Variants in NTF3 observed in about 807,000 individuals in gnomAD.
NTF3 encodes neurotrophin-3.
A neutral mutation model predicts 26.3 loss-of-function variants in NTF3; 8 were observed. The observed-to-expected ratio is 0.30, with a 90% CI of 0.18 to 0.55. The LOEUF (loss-of-function observed/expected upper bound fraction) is 0.55, where lower values mean the gene tolerates loss of function less well. Among genes scored for constraint, NTF3 ranks in the 20% least tolerant of loss-of-function variants. NTF3 has a pLI of 0.93. For missense variants in NTF3, 276 were observed against 352.9 expected (o/e 0.78, Z 1.75); for synonymous variants, 154 against 145.5 (o/e 1.06, Z -0.42).
At position 5,433,354 on chromosome 12, in the gene NTF3, G is replaced by A. The variant is rs185996986; in HGVS notation, c.18+1012G>A. 6.6e-6 allele frequency: 1 copy of A among 152,582 alleles called. No individual in the cohort carries two copies. The highest frequency in any genetic ancestry group is 1.5e-5 in the Non-Finnish European group (1 of 68,236). The allele number at this position is 152,582 out of a possible 1,614,324, so 9.5% of individuals were successfully genotyped here. A position where few individuals can be genotyped will look rare whatever the true frequency, so the allele number is the denominator to read the frequency against. ...CCAGGTCGGAGTTTAAAGGTCCCAC[G>A]ACGGACCGAACTGTCCCATTGCCCC... On this transcript the variant is annotated intron_variant, in intron 1 of 1. Coordinates refer to ENST00000423158, the MANE Select transcript of NTF3 (RefSeq NM_001102654.2). The surrounding 1 kb of genome is among the most constrained non-coding windows in gnomAD (Gnocchi z 4.6).
At chr12:5,478,832 G>T (rs1194919636) in intron 1 of NTF3, among the ~76,000 whole-genome samples, 1 of 152,184 alleles carries the variant, frequency 6.6e-6, no homozygotes. Context: ...CAGCTCATCG[G>T]GTCCTCATTG....
intron 1 of NTF3, among the ~76,000 whole-genome samples, chr12:5,466,868 G>C (rs1204623263): frequency 6.6e-6 from 1 of 152,102 alleles, no homozygotes; most frequent in East Asian, 1.9e-4. Flanking sequence ...GTTGTTTATG[G>C]GAGGGGTGAG....
chr12:5,490,896 C>T lies in NTF3; in HGVS notation c.19-3298C>T, dbSNP rs148183318. The stretch of plus-strand genomic sequence containing the variant: ...GAGGGAGCTCTCCAGACTCTGGGTC[C>T]CTCGCCCGTGTGCGTCAAGGGCAGG... On this transcript the variant is annotated intron_variant, in intron 1 of 1. Coordinates refer to ENST00000423158, the MANE Select transcript of NTF3 (RefSeq NM_001102654.2). Among the ~76,000 whole-genome samples, 655 of 152,282 alleles carry T rather than the reference C, an allele frequency of 4.3e-3. 1 individual carries two copies. The highest frequency in any genetic ancestry group is 6.7e-3 in the Non-Finnish European group (453 of 68,016).
At chr12:5,487,589 G>A (rs1940882167) in intron 1 of NTF3, among the ~76,000 whole-genome samples, 1 of 152,200 alleles carries the variant, frequency 6.6e-6, no homozygotes, top group Admixed American at 6.5e-5. Flanking sequence ...CTGCTAAGAA[G>A]CCAGCATCTT....
At chr12:5,454,891 G>T (rs1001424836) in intron 1 of NTF3, among the ~76,000 whole-genome samples, 2 of 152,182 alleles carry the variant, frequency 1.3e-5, no homozygotes, top group Non-Finnish European at 2.9e-5. Flanking sequence ...GGTGCAGAAG[G>T]CTGCTTGGCA....
At chr12:5,455,787 T>C (rs1366951533) in intron 1 of NTF3, among the ~76,000 whole-genome samples, 1 of 152,186 alleles carries the variant, frequency 6.6e-6, no homozygotes, top group Non-Finnish European at 1.5e-5. Flanking sequence ...GACTCCAAGA[T>C]GCTGCCTTGC....
intron 1 of NTF3, among the ~76,000 whole-genome samples, chr12:5,482,574 C>T (rs1940820203): frequency 6.6e-6 from 1 of 152,158 alleles, no homozygotes; most frequent in Admixed American, 6.5e-5. Context: ...GCAATGCTGG[C>T]TTCAGAGGGG....
At chr12:5,466,849 C>T (rs1385570878) in intron 1 of NTF3, among the ~76,000 whole-genome samples, 1 of 152,124 alleles carries the variant, frequency 6.6e-6, no homozygotes, top group Non-Finnish European at 1.5e-5. Context: ...ACTCTGTGTA[C>T]TTGTTAGTGT....
chr12:5,481,421 A>G (rs1414800210), intron 1 of NTF3, among the ~76,000 whole-genome samples: 3 of 151,414 alleles, frequency 2.0e-5, no homozygotes, highest in Non-Finnish European at 4.4e-5. Flanking sequence ...CCACACCTAC[A>G]TGCACACATA....
rs530596813 is a variant in NTF3 at position 5,491,872 on chromosome 12, G to A, written c.19-2322G>A. 1.7e-4 allele frequency among the ~76,000 whole-genome samples: 26 copies of A among 151,648 alleles called. No individual in the cohort carries two copies. In the South Asian group the frequency reaches 4.6e-3, roughly 27 times the overall value. ...GTAGCTGGGACTACAGGCTGCCACC[G>A]TGCCCTGCTAATTTTTGTATTTTTT... On this transcript the variant is annotated intron_variant, in intron 1 of 1. Transcript: ENST00000423158.
chr12:5,441,821 G>T (rs7311991), intron 1 of NTF3, among the ~76,000 whole-genome samples: 111,308 of 152,106 alleles, frequency 0.73, 42,443 homozygotes, highest in East Asian at 0.91. Context: ...CTGTCCCAAG[G>T]CTAAGGTCAT....
chr12:5,492,335 C>A (rs943769789), intron 1 of NTF3, among the ~76,000 whole-genome samples: 63 of 152,284 alleles, frequency 4.1e-4, no homozygotes, highest in Middle Eastern at 3.4e-3. Context: ...AGTGGCTGAG[C>A]TTTTGGGAGG....
At chr12:5,460,004 C>G (rs1940506674) in intron 1 of NTF3, among the ~76,000 whole-genome samples, 1 of 152,180 alleles carries the variant, frequency 6.6e-6, no homozygotes, top group Non-Finnish European at 1.5e-5. Context: ...CAGAGCTAGT[C>G]TCCTTTCATT....
Position 5,456,314 on chromosome 12 carries a change from T to C in NTF3, c.18+23972T>C, listed in dbSNP as rs1591596646. On this transcript the variant is annotated intron_variant, in intron 1 of 1. Coordinates refer to ENST00000423158, the MANE Select transcript of NTF3 (RefSeq NM_001102654.2). This position sits in a 1 kb window ranked among gnomAD's most constrained non-coding sequence, Gnocchi z 4.4. ...TTTTGAGAATCACATAGAATCGCATTGATTGATGAGTGAAAAATAAATGGA... is the reference window on the plus strand; with the variant it reads ...TTTTGAGAATCACATAGAATCGCATCGATTGATGAGTGAAAAATAAATGGA... 1.3e-5 allele frequency among the ~76,000 whole-genome samples: 2 copies of C among 152,154 alleles called. No homozygotes were observed. Among genetic ancestry groups the C allele is most frequent in the African/African-American group, 4.8e-5 (2 of 41,436 alleles).
chr12:5,470,989 C>A (rs74056367), intron 1 of NTF3, among the ~76,000 whole-genome samples: 1,569 of 151,438 alleles, frequency 0.01, 30 homozygotes, highest in African/African-American at 0.035. Flanking sequence ...TCCTTCCCAC[C>A]CTTCCTTTTG....
intron 1 of NTF3, among the ~76,000 whole-genome samples, chr12:5,445,394 A>G (rs866397278): frequency 6.7e-5 from 10 of 149,704 alleles, no homozygotes; most frequent in Admixed American, 2.0e-4. Flanking sequence ...TTTTTTTGTC[A>G]GTAGTGGATA....
intron 1 of NTF3, among the ~76,000 whole-genome samples, chr12:5,454,199 CT>C (rs1452639195): frequency 6.6e-6 from 1 of 152,220 alleles, no homozygotes; most frequent in Non-Finnish European, 1.5e-5. Flanking sequence ...ACGCCTTCTC[CT>C]AGCCTCTGGT....
chr12:5,438,970 G>C (rs1343458073), intron 1 of NTF3, among the ~76,000 whole-genome samples: 1 of 152,178 alleles, frequency 6.6e-6, no homozygotes, highest in Non-Finnish European at 1.5e-5. Context: ...TTATCTTTGG[G>C]GAATGGCTGA....
intron 1 of NTF3, among the ~76,000 whole-genome samples, chr12:5,440,126 C>T (rs975785885): frequency 1.3e-5 from 2 of 152,194 alleles, no homozygotes; most frequent in Non-Finnish European, 2.9e-5. Flanking sequence ...CACTGATTTC[C>T]TCACCATCAC....
Sources: allele counts gnomAD v4.1 joint callset (sites outside exome capture counted in the v4.1 genomes callset), GRCh38; gene constraint gnomAD v4.1.1; non-coding constraint Gnocchi (gnomAD v3.1); transcripts MANE v1.5; gene names NCBI Gene and HGNC (gene_info 2026-07-23, HGNC 2026-07-21).